SPAG16: variants seen among roughly 807,000 people sequenced by gnomAD.
The protein encoded by SPAG16 is sperm associated antigen 16, also known as sperm-associated antigen 16 protein.
In SPAG16, 86 loss-of-function variants were observed where a neutral mutation model predicts 80.4. The ratio of observed to expected loss-of-function variants is 1.07; its 90% CI spans 0.90 to 1.28. The LOEUF is 1.28. Ranked by LOEUF, SPAG16 falls within the 50% of genes most tolerant of loss-of-function variation. The probability of loss-of-function intolerance (pLI) is 0.00; values close to 1 mark genes in which losing one functional copy is unlikely to be tolerated. For missense variants in SPAG16, 870 were observed against 765.3 expected, an observed-to-expected ratio of 1.14 and a Z score of -1.61; for synonymous variants, 294 against 265.9, an observed-to-expected ratio of 1.11 and a Z score of -1.03.
intron 9 of SPAG16, among the ~76,000 whole-genome samples, chr2:213,402,647 A>G (rs150773607): frequency 0.014 from 2,152 of 149,582 alleles, 24 homozygotes; most frequent in South Asian, 0.037. Flanking sequence ...TCATTGTTCA[A>G]TTCCCACTTA....
intron 13 of SPAG16, 131 bp from the exon 14 acceptor site, chr2:214,108,065 T>C: frequency 1.6e-6 from 1 of 636,946 alleles, no homozygotes; most frequent in Non-Finnish European, 2.7e-6. Flanking sequence ...AGCTAGAATT[T>C]TCTATGGTGA....
At position 214,149,116 on chromosome 2, in the gene SPAG16, TTTTG is replaced by T; in HGVS notation, c.1594-20_1594-17del. On this transcript the variant is annotated intron_variant, in intron 14 of 15. Transcript: ENST00000331683. ...ATATATACATACATACACATTTTAT[TTTTG>T]TTTATCTTATATTTTGAAGGGTCAC... 7.1e-7 allele frequency: 1 copy of T among 1,401,844 alleles called. No individual in the cohort carries two copies. Among genetic ancestry groups the T allele is most frequent in the Non-Finnish European group, 9.5e-7 (1 of 1,053,440 alleles). The allele number at this position is 1,401,844 out of a possible 1,614,324, so 86.8% of individuals were successfully genotyped here.
intron 15 of SPAG16, among the ~76,000 whole-genome samples, chr2:214,209,527 T>TTTCTTG (rs1160805665): frequency 6.6e-6 from 1 of 152,226 alleles, no homozygotes; most frequent in Non-Finnish European, 1.5e-5. Context: ...TCTGCTCTTC[T>TTTCTTG]TTCTTGCTCT....
Position 213,407,984 on chromosome 2 carries a change from GAGGAGAGAGGCAGAGAGAGAC to G in SPAG16, c.942+32911_942+32931del, listed in dbSNP as rs1382202628. On this transcript the variant is annotated intron_variant, in intron 9 of 15. Transcript: ENST00000331683. ...GGCAGAGAGAGAGACAGGAGAGAGA[GAGGAGAGAGGCAGAGAGAGAC>G]AGGAGAGAGGCAGAGAGAGACAGGA... Among the ~76,000 whole-genome samples, 192 of 136,074 alleles carry G rather than the reference GAGGAGAGAGGCAGAGAGAGAC, an allele frequency of 1.4e-3. 1 individual carries two copies. Among genetic ancestry groups the G allele is most frequent in the South Asian group, 8.0e-3 (31 of 3,864 alleles). 89.3% of individuals were successfully genotyped at this position (136,074 alleles called of 152,430 possible).
At chr2:214,127,090 T>C (rs1004146533) in intron 14 of SPAG16, among the ~76,000 whole-genome samples, 1 of 151,814 alleles carries the variant, frequency 6.6e-6, no homozygotes, top group Admixed American at 6.7e-5. Flanking sequence ...ATATGGACAT[T>C]CAGGATTCCA....
At chr2:213,339,423 A>G (rs2064558484) in intron 5 of SPAG16, among the ~76,000 whole-genome samples, 1 of 152,206 alleles carries the variant, frequency 6.6e-6, no homozygotes, top group Admixed American at 6.5e-5. Flanking sequence ...ATTATAAATT[A>G]TATTTCACAT....
rs2063607602 is a variant in SPAG16, at chr2:213,321,525, C to CT, written c.536+4170dup. Among the ~76,000 whole-genome samples, 3 of 152,146 alleles carry CT rather than the reference C, an allele frequency of 2.0e-5. No individual in the cohort carries two copies. The South Asian group carries it at 6.2e-4, about 32-fold the overall frequency. ...TCAATAACTCTAAATGCTGTCATCT[C>CT]TAAGTTTTTATTAATCACATCATTA... On this transcript the variant is annotated intron_variant, in intron 5 of 15. Transcript: ENST00000331683.
intron 10 of SPAG16, among the ~76,000 whole-genome samples, chr2:213,817,248 A>T (rs887071785): frequency 1.4e-5 from 2 of 140,090 alleles, no homozygotes; most frequent in African/African-American, 5.7e-5. Flanking sequence ...ATATATACTT[A>T]TATATATGAT....
At position 213,884,138 on chromosome 2, in the gene SPAG16, CAGGTGT is replaced by C. The variant is rs2076462888; in HGVS notation, c.1214+21511_1214+21516del. Among the ~76,000 whole-genome samples the C allele has an allele frequency of 2.1e-4, 6 of 28,842 alleles. No individual in the cohort carries two copies. The South Asian group carries it at 0.041, about 195-fold the overall frequency. 18.9% of individuals were successfully genotyped at this position (28,842 alleles called of 152,430 possible). On this transcript the variant is annotated intron_variant, in intron 11 of 15. Coordinates refer to ENST00000331683, the MANE Select transcript of SPAG16 (RefSeq NM_024532.5). ...GTGCCTAAGTGTGTTTTTGTGGTAG[CAGGTGT>C]CATTCTTTTGATTCCACATTTAGCT...
At chr2:214,097,665 G>A (rs1029389408) in intron 13 of SPAG16, among the ~76,000 whole-genome samples, 5 of 151,978 alleles carry the variant, frequency 3.3e-5, no homozygotes, top group African/African-American at 9.7e-5. Context: ...CTTGCAATGT[G>A]TGTGTGTGTG....
At chr2:213,352,276 AT>A (rs750198329) in intron 7 of SPAG16, among the ~76,000 whole-genome samples, 24 of 152,076 alleles carry the variant, frequency 1.6e-4, no homozygotes, top group Non-Finnish European at 3.2e-4. Context: ...TTTAACAATA[AT>A]TTAAATTTTA....
chr2:214,052,931 A>G (rs1381740593), intron 13 of SPAG16, among the ~76,000 whole-genome samples: 1 of 152,234 alleles, frequency 6.6e-6, no homozygotes, highest in African/African-American at 2.4e-5. Context: ...GCAAAAACTG[A>G]AAACGTCTTC....
At chr2:213,421,766 A>G (rs78674037) in intron 9 of SPAG16, among the ~76,000 whole-genome samples, 3,150 of 152,200 alleles carry the variant, frequency 0.021, 58 homozygotes, top group Non-Finnish European at 0.032. Flanking sequence ...GGTCTCCTCA[A>G]CTCATTCAGA....
chr2:214,267,386 A>G (rs934122507), intron 15 of SPAG16, among the ~76,000 whole-genome samples: 1 of 151,788 alleles, frequency 6.6e-6, no homozygotes, highest in East Asian at 1.9e-4. Context: ...CAAAGATCAT[A>G]CAATTGGGAA....
chr2:213,617,798 G>A (rs1397180107), intron 10 of SPAG16, among the ~76,000 whole-genome samples: 1 of 152,074 alleles, frequency 6.6e-6, no homozygotes. Flanking sequence ...GGATGACAGT[G>A]CAAGATACTA....
chr2:213,443,488 T>G (rs1274218299), intron 9 of SPAG16, among the ~76,000 whole-genome samples: 1 of 152,188 alleles, frequency 6.6e-6, no homozygotes, highest in African/African-American at 2.4e-5. Context: ...TGACTGATCT[T>G]TTTTTAGGGC....
intron 9 of SPAG16, among the ~76,000 whole-genome samples, chr2:213,454,588 T>G (rs1343668215): frequency 6.6e-6 from 1 of 152,194 alleles, no homozygotes; most frequent in Non-Finnish European, 1.5e-5. Flanking sequence ...ATCTCTATTC[T>G]TAATCAAAAT....
At chr2:213,795,733 C>T (rs182027393) in intron 10 of SPAG16, among the ~76,000 whole-genome samples, 178 of 152,260 alleles carry the variant, frequency 1.2e-3, no homozygotes, top group Admixed American at 3.2e-3. Flanking sequence ...TGAGTTCTCA[C>T]GAGATCTGGT....
Position 214,062,061 on chromosome 2 carries a change from T to G in SPAG16, c.1528-46135T>G, listed in dbSNP as rs140556924. On this transcript the variant is annotated intron_variant, in intron 13 of 15. Coordinates refer to ENST00000331683, the MANE Select transcript of SPAG16 (RefSeq NM_024532.5). ...CAGAAGAAAGACTGCTACAGTGATATGTTAAAATGTATTATCAGCATTTCT... is the reference window on the plus strand; with the variant it reads ...CAGAAGAAAGACTGCTACAGTGATAGGTTAAAATGTATTATCAGCATTTCT... Among the ~76,000 whole-genome samples, 314 of 151,440 alleles carry G rather than the reference T, an allele frequency of 2.1e-3. 3 individuals carry two copies. The Middle Eastern group carries it at 0.045, about 22-fold the overall frequency.
Sources: gnomAD v4.1 joint callset for allele counts (sites outside exome capture counted in the v4.1 genomes callset) on GRCh38, gnomAD v4.1.1 for gene constraint, MANE v1.5 for transcripts, NCBI Gene and HGNC (gene_info 2026-07-23, HGNC 2026-07-21) for gene names.